RPL31: variants seen among roughly 807,000 people sequenced by gnomAD.
The protein encoded by RPL31 is large ribosomal subunit protein eL31.
For synonymous variants in RPL31, 51 were observed against 55.0 expected, an observed-to-expected ratio of 0.93 and a Z score of 0.32; for missense variants, 95 against 164.0, an observed-to-expected ratio of 0.58 and a Z score of 2.30.
At chr2:101,007,311 A>G (rs1435797716), downstream of RPL31, 2 of 153,592 alleles carry the variant, frequency 1.3e-5, no homozygotes, top group Non-Finnish European at 2.9e-5. Flanking sequence ...TTGGAAGGAC[A>G]TATAAAGTGA....
downstream of RPL31, among the ~76,000 whole-genome samples, chr2:101,009,059 C>CA (rs1232279818): frequency 6.6e-6 from 1 of 152,092 alleles, no homozygotes; most frequent in Non-Finnish European, 1.5e-5. Flanking sequence ...ACAGGTGCTT[C>CA]AGGTGGAATC....
intron 4 of RPL31, among the ~76,000 whole-genome samples, chr2:101,015,084 GCCT>G (rs1357203837): frequency 6.6e-6 from 1 of 152,200 alleles, no homozygotes; most frequent in African/African-American, 2.4e-5. Context: ...AGATGCTGTA[GCCT>G]ACTACACACC....
intron 1 of RPL31, 33 bp from the exon 2 acceptor site, chr2:101,002,667 ACT>A (rs1414810824): frequency 6.5e-7 from 1 of 1,549,674 alleles, no homozygotes; most frequent in East Asian, 2.2e-5. Flanking sequence ...AGCTTGTTAA[ACT>A]CTGCTCTGAG....
downstream of RPL31, chr2:101,007,856 G>C (rs780277353): frequency 8.7e-6 from 14 of 1,612,520 alleles, no homozygotes; most frequent in East Asian, 8.9e-5. Context: ...GATTGTGATT[G>C]GTGGCTCATT....
chr2:101,004,136 T>C (rs768252585), intron 2 of RPL31, 22 bp from the exon 3 acceptor site: 4 of 1,609,758 alleles, frequency 2.5e-6, no homozygotes, highest in Non-Finnish European at 2.5e-6. Context: ...CTTTAATTTG[T>C]TCACTTATGT....
At chr2:101,015,572 T>C (rs1219347654) in intron 4 of RPL31, among the ~76,000 whole-genome samples, 1 of 152,214 alleles carries the variant, frequency 6.6e-6, no homozygotes, top group Non-Finnish European at 1.5e-5. Flanking sequence ...TCTATAAACA[T>C]TTTTCTATCA....
At chr2:101,006,244 A>C in intron 4 of RPL31, 106 bp from the exon 5 acceptor site, 2 of 1,532,982 alleles carry the variant, frequency 1.3e-6, no homozygotes, top group South Asian at 2.6e-5. Flanking sequence ...TGGGATGTAA[A>C]AAGGTTGTGG....
At chr2:101,016,617 A>G (rs944626195) in intron 4 of RPL31, among the ~76,000 whole-genome samples, 5 of 152,102 alleles carry the variant, frequency 3.3e-5, no homozygotes, top group South Asian at 2.1e-4. Flanking sequence ...ATAAAGACAC[A>G]TGCACACGTA....
In RPL31 at chr2:101,006,359, C is replaced by T. The variant is rs1420224093; in HGVS notation, c.356C>T (p.Thr119Ile). 3.1e-6 allele frequency: 5 copies of T among 1,610,722 alleles called. No homozygotes were observed. Among genetic ancestry groups the T allele is most frequent in the Non-Finnish European group, 4.2e-6 (5 of 1,179,080 alleles). ...VPVTTFKNLQ[T>I]VNVDEN ...GTTACTTCCTTTACAGATCTACAGACAGTCAATGTGGATGAGAACTAATCG... is the reference window on the plus strand; with the variant it reads ...GTTACTTCCTTTACAGATCTACAGATAGTCAATGTGGATGAGAACTAATCG... Residue 119 changes from threonine (T) to isoleucine (I), a missense_variant, in exon 5 of 5, where the codon ACA (threonine) becomes ATA (isoleucine). By Grantham distance (89) the Thr-to-Ile change is moderately conservative (BLOSUM62 -1). Transcript: ENST00000264258.
intron 4 of RPL31, among the ~76,000 whole-genome samples, chr2:101,015,767 C>G (rs560037529): frequency 6.6e-6 from 1 of 152,224 alleles, no homozygotes; most frequent in South Asian, 2.1e-4. Flanking sequence ...GAAACAACGC[C>G]GCATATCCAC....
At chr2:101,007,717 T>G (rs565823881), downstream of RPL31, 2 of 1,193,268 alleles carry the variant, frequency 1.7e-6, no homozygotes, top group Non-Finnish European at 1.2e-6. Context: ...AGATGCCCCA[T>G]TGGTAAGGTA....
chr2:101,005,784 T>G (rs1297831947), intron 3 of RPL31, 175 bp from the exon 4 acceptor site: 1 of 615,552 alleles, frequency 1.6e-6, no homozygotes, highest in Non-Finnish European at 2.8e-6. Context: ...GTAACAGCAT[T>G]TAATGTTCAC....
rs761367946 is a variant in RPL31 at position 101,006,410 on chromosome 2, T to G, written c.*29T>G. 2.5e-6 allele frequency: 4 copies of G among 1,603,080 alleles called. No individual in the cohort carries two copies. The East Asian group carries it at 8.9e-5, about 36-fold the overall frequency. ...CTGATCGTCAGATCAAATAAAGTTA[T>G]AAAATTGCCTTCATGTTTTTGTTCT... On this transcript the variant is annotated 3_prime_UTR_variant, in exon 5 of 5. Coordinates refer to ENST00000264258, the MANE Select transcript of RPL31 (RefSeq NM_000993.5).
intron 2 of RPL31, among the ~76,000 whole-genome samples, 183 bp from the exon 3 acceptor site, chr2:101,003,975 A>G (rs1678631396): frequency 6.6e-6 from 1 of 152,202 alleles, no homozygotes; most frequent in South Asian, 2.1e-4. Flanking sequence ...TACCATCTAC[A>G]GTAAGTCTTC....
chr2:101,017,320 T>C (rs145271492), intron 4 of RPL31, among the ~76,000 whole-genome samples: 60 of 152,300 alleles, frequency 3.9e-4, no homozygotes, highest in African/African-American at 1.4e-3. Flanking sequence ...TGATAAATAG[T>C]ATAGTAATTA....
At chr2:101,012,555 G>A (rs758176936) in intron 4 of RPL31, among the ~76,000 whole-genome samples, 27 of 151,810 alleles carry the variant, frequency 1.8e-4, no homozygotes, top group Non-Finnish European at 3.8e-4. Flanking sequence ...CTAAAGATAT[G>A]ACATTTATTT....
At chr2:101,012,473 C>T (rs540593766) in intron 4 of RPL31, among the ~76,000 whole-genome samples, 1 of 152,146 alleles carries the variant, frequency 6.6e-6, no homozygotes, top group South Asian at 2.1e-4. Flanking sequence ...TATCAAATGT[C>T]CAGGACAGGC....
At chr2:101,015,803 A>G (rs949658445) in intron 4 of RPL31, among the ~76,000 whole-genome samples, 2 of 152,218 alleles carry the variant, frequency 1.3e-5, no homozygotes, top group Admixed American at 1.3e-4. Flanking sequence ...GACAAACCTG[A>G]GAAAAACAAG....
At chr2:101,019,638 T>C (rs1679903111) in exon 5 of RPL31, 1 of 152,220 alleles carries the variant, frequency 6.6e-6, no homozygotes, top group African/African-American at 2.4e-5. Context: ...AATATCACAA[T>C]CAGATATGTT....
Sources: gnomAD v4.1 joint callset for allele counts (sites outside exome capture counted in the v4.1 genomes callset) on GRCh38, gnomAD v4.1.1 for gene constraint, MANE v1.5 for transcripts, NCBI Gene and HGNC (gene_info 2026-07-23, HGNC 2026-07-21) for gene names.